PRLR: variants seen among roughly 807,000 people sequenced by gnomAD.
PRLR encodes the protein prolactin receptor.
A neutral mutation model predicts 40.2 loss-of-function variants in PRLR; 13 were observed. That is an observed-to-expected ratio of 0.32 (90% CI 0.21 to 0.51). The LOEUF is 0.51. Among genes scored for constraint, PRLR ranks in the 20% least tolerant of loss-of-function variants. The pLI is 0.97. For missense variants in PRLR, 656 were observed against 747.3 expected (o/e 0.88, Z 1.42); for synonymous variants, 269 against 278.7 (o/e 0.97, Z 0.35).
rs543174159 is a variant in PRLR at position 35,057,565 on chromosome 5, T to A, written c.*7524A>T. 2 of 152,140 alleles carry A rather than the reference T, an allele frequency of 1.3e-5. No individual in the cohort carries two copies. The highest frequency in any genetic ancestry group is 2.9e-5 in the Non-Finnish European group (2 of 68,004). The allele number at this position is 152,140 out of a possible 1,614,324, so 9.4% of individuals were successfully genotyped here. On this transcript the variant is annotated 3_prime_UTR_variant, in exon 10 of 10. Transcript: ENST00000618457. Reference sequence around the variant, plus strand: ...AGTAAAAATGAAGATGTTATGATAATAGCAGTTAGTGTTATCTCCAATACT... The same window carrying A: ...AGTAAAAATGAAGATGTTATGATAAAAGCAGTTAGTGTTATCTCCAATACT...
At chr5:35,088,354 T>C (rs543564259) in intron 3 of PRLR, among the ~76,000 whole-genome samples, 1 of 152,192 alleles carries the variant, frequency 6.6e-6, no homozygotes, top group Non-Finnish European at 1.5e-5. Context: ...TTGCTTTGCT[T>C]TTGTCATGAG....
chr5:35,086,560 G>GGT (rs113256007), intron 3 of PRLR, among the ~76,000 whole-genome samples: 8,502 of 148,064 alleles, frequency 0.057, 618 homozygotes, highest in African/African-American at 0.17. Context: ...GCATTTTGCT[G>GGT]GTGTGTGTGT....
intron 1 of PRLR, among the ~76,000 whole-genome samples, chr5:35,199,283 G>A (rs988016294): frequency 2.6e-5 from 4 of 152,302 alleles, no homozygotes; most frequent in Non-Finnish European, 5.9e-5. Flanking sequence ...GAGCCAGGCC[G>A]TGTAATGCTG....
intron 4 of PRLR, among the ~76,000 whole-genome samples, chr5:35,085,769 G>A (rs1187021980): frequency 6.6e-6 from 1 of 152,184 alleles, no homozygotes; most frequent in Non-Finnish European, 1.5e-5. Flanking sequence ...AGATTAACTA[G>A]CAATTAAGAA....
chr5:35,065,403 C>T lies in PRLR; in HGVS notation c.1555G>A (p.Gly519Ser). 1 of 1,614,122 alleles carries T rather than the reference C, an allele frequency of 6.2e-7. No homozygotes were observed. The highest frequency in any genetic ancestry group is 8.5e-7 in the Non-Finnish European group (1 of 1,180,008). Residue 519 changes from glycine to serine, a missense_variant, in exon 10 of 10, where the codon GGT becomes AGT. By Grantham distance (56) the Gly-to-Ser change is moderately conservative. Coordinates refer to ENST00000618457, the MANE Select transcript of PRLR (RefSeq NM_000949.7). ...YVEIHKVNKD[G>S]ALSLLPKQRE... ...TGTTTTGGTAGCAATGATAATGCACCATCTTTGTTGACCTTGTGAATCTCC... is the reference window on the plus strand; with the variant it reads ...TGTTTTGGTAGCAATGATAATGCACTATCTTTGTTGACCTTGTGAATCTCC...
At chr5:35,128,113 T>A (rs1239145260) in intron 1 of PRLR, among the ~76,000 whole-genome samples, 2 of 151,894 alleles carry the variant, frequency 1.3e-5, no homozygotes, top group Admixed American at 1.3e-4. Flanking sequence ...ACAATATTTT[T>A]AACTTTCAAC....
chr5:35,056,347 G>A lies in PRLR; in HGVS notation c.*8742C>T, dbSNP rs1197804122. ...GGACTTTCAAAGGTGAAGCCAGCAG[G>A]AATTACTCTGCATATTCTGGCCAGG... On this transcript the variant is annotated 3_prime_UTR_variant, in exon 10 of 10. Coordinates refer to ENST00000618457, the MANE Select transcript of PRLR (RefSeq NM_000949.7). The A allele has an allele frequency of 6.6e-6, 1 of 152,120 alleles. No homozygotes were observed. The highest frequency in any genetic ancestry group is 1.5e-5 in the Non-Finnish European group (1 of 68,032). 9.4% of individuals were successfully genotyped at this position (152,120 alleles called of 1,614,324 possible).
chr5:35,213,791 G>A (rs1162685410), intron 1 of PRLR, among the ~76,000 whole-genome samples: 1 of 152,112 alleles, frequency 6.6e-6, no homozygotes, highest in Non-Finnish European at 1.5e-5. Flanking sequence ...CCTTCCAAGT[G>A]GTTTAGTGAG....
chr5:35,105,611 G>A (rs1772187441), intron 2 of PRLR, among the ~76,000 whole-genome samples: 1 of 152,294 alleles, frequency 6.6e-6, no homozygotes, highest in South Asian at 2.1e-4. Flanking sequence ...ATTTGATCAA[G>A]TGGAAGAAAG....
At chr5:35,180,387 G>A (rs1775261667) in intron 1 of PRLR, among the ~76,000 whole-genome samples, 1 of 152,064 alleles carries the variant, frequency 6.6e-6, no homozygotes, top group African/African-American at 2.4e-5. Flanking sequence ...ATGAGATGTA[G>A]TTGTTTAAAA....
chr5:35,076,179 T>G (rs1418079624), intron 5 of PRLR, among the ~76,000 whole-genome samples: 1 of 152,202 alleles, frequency 6.6e-6, no homozygotes, highest in Admixed American at 6.5e-5. Context: ...GAAACAAAGC[T>G]GGACGGAGAA....
chr5:35,087,990 C>G (rs1219403688), intron 3 of PRLR, among the ~76,000 whole-genome samples: 1 of 152,190 alleles, frequency 6.6e-6, no homozygotes, highest in East Asian at 1.9e-4. Flanking sequence ...TCCTCTACCC[C>G]TCATGCAGGC....
At chr5:35,201,068 T>C (rs924961906) in intron 1 of PRLR, among the ~76,000 whole-genome samples, 1 of 152,344 alleles carries the variant, frequency 6.6e-6, no homozygotes, top group African/African-American at 2.4e-5. Context: ...CTGTGTAACT[T>C]TGGGCAAGTC....
chr5:35,097,545 G>A (rs760339453), intron 2 of PRLR, among the ~76,000 whole-genome samples: 8 of 152,196 alleles, frequency 5.3e-5, no homozygotes, highest in Middle Eastern at 3.4e-3. Flanking sequence ...ACTTTCAAAC[G>A]TGCAATGACC....
At chr5:35,098,012 C>T (rs1390720015) in intron 2 of PRLR, among the ~76,000 whole-genome samples, 1 of 152,136 alleles carries the variant, frequency 6.6e-6, no homozygotes, top group African/African-American at 2.4e-5. Flanking sequence ...GGGGTGTGAT[C>T]TGTTGGGTTA....
At chr5:35,112,458 A>G (rs1459930186) in intron 2 of PRLR, among the ~76,000 whole-genome samples, 1 of 152,138 alleles carries the variant, frequency 6.6e-6, no homozygotes, top group Non-Finnish European at 1.5e-5. Context: ...ATGCAAAGCA[A>G]GAGGAACCGG....
intron 2 of PRLR, among the ~76,000 whole-genome samples, chr5:35,114,162 C>G (rs1433070016): frequency 6.6e-6 from 1 of 152,132 alleles, no homozygotes; most frequent in Non-Finnish European, 1.5e-5. Flanking sequence ...TTGGAGCTGA[C>G]ACATTTAGGG....
intron 1 of PRLR, among the ~76,000 whole-genome samples, chr5:35,201,721 CCTCTT>C (rs1775888538): frequency 6.6e-6 from 1 of 150,628 alleles, no homozygotes; most frequent in Non-Finnish European, 1.5e-5. Flanking sequence ...CTTCTCCTCT[CCTCTT>C]TTCTTCTGTT....
intron 1 of PRLR, among the ~76,000 whole-genome samples, chr5:35,180,565 C>T (rs1337311589): frequency 6.6e-6 from 1 of 151,978 alleles, no homozygotes; most frequent in East Asian, 1.9e-4. Flanking sequence ...GCCAATTAAA[C>T]CTCTTTTCTT....
Sources: gnomAD v4.1 joint callset for allele counts (sites outside exome capture counted in the v4.1 genomes callset) on GRCh38, gnomAD v4.1.1 for gene constraint, MANE v1.5 for transcripts, NCBI Gene and HGNC (gene_info 2026-07-23, HGNC 2026-07-21) for gene names.